FER1L5: variants seen among roughly 807,000 people sequenced by gnomAD.
FER1L5 encodes the protein fer-1 like family member 5.
FER1L5 carries 187 observed loss-of-function variants against 279.9 expected under a neutral mutation model. The observed-to-expected ratio is 0.67, with a 90% CI of 0.59 to 0.75. FER1L5 has a LOEUF of 0.75. FER1L5 is among the 30% of genes least tolerant of loss of function. The pLI is 0.00. For synonymous variants in FER1L5, 921 were observed against 989.7 expected, an observed-to-expected ratio of 0.93 and a Z score of 1.30; for missense variants, 2,091 against 2,594.4, an observed-to-expected ratio of 0.81 and a Z score of 4.21.
Position 96,690,565 on chromosome 2 carries a change from C to T in FER1L5, c.2719C>T (p.Leu907=), listed in dbSNP as rs2106635040. 1.3e-6 allele frequency: 2 copies of T among 1,551,684 alleles called. No individual in the cohort carries two copies. Among genetic ancestry groups the T allele is most frequent in the Middle Eastern group, 1.7e-4 (1 of 5,988 alleles). The part of the protein sequence containing the change: ...WHFKKDWVVE[L]NHAVDSKGWE... ...CTTTAAGAAGGACTGGGTGGTGGAG[C>T]TGAACCACGCAGTGGACAGTAAGGG... Residue 907 remains leucine (L), a synonymous_variant, in exon 27 of 53, where the codon CTG becomes TTG. Coordinates refer to ENST00000624922, the MANE Select transcript of FER1L5 (RefSeq NM_001293083.2).
intron 7 of FER1L5, 28 bp from the exon 8 acceptor site, chr2:96,653,610 TCC>T: frequency 6.6e-7 from 1 of 1,521,674 alleles, no homozygotes; most frequent in South Asian, 1.2e-5. Context: ...GAAGAAATCA[TCC>T]ACTCTACCCC....
intron 13 of FER1L5, 149 bp from the exon 14 acceptor site, chr2:96,663,290 G>A: frequency 4.3e-6 from 3 of 692,476 alleles, no homozygotes; most frequent in South Asian, 3.4e-5. Flanking sequence ...CTGCTGAGAA[G>A]TTGTGCAGGT....
Position 96,691,887 on chromosome 2 carries a change from GGACA to G in FER1L5, c.3144_3147del (p.Arg1048SerfsTer46). ...ACAGCAAGACATGGCCATGGGGTCT[GGACA>G]GACAGTTCAGGGACCCCCAGAGGCA... is the stretch of plus-strand genomic sequence containing the variant. On this transcript the variant is annotated frameshift_variant, in exon 30 of 53. Coordinates refer to ENST00000624922, the MANE Select transcript of FER1L5 (RefSeq NM_001293083.2). LOFTEE classifies it high-confidence loss of function. This position sits in a 1 kb window ranked among gnomAD's most constrained non-coding sequence, Gnocchi z 6.0. 1.3e-6 allele frequency: 2 copies of G among 1,551,480 alleles called. No individual in the cohort carries two copies. The highest frequency in any genetic ancestry group is 1.7e-6 in the Non-Finnish European group (2 of 1,146,968).
intron 21 of FER1L5, 64 bp from the exon 22 acceptor site, chr2:96,685,876 C>A: frequency 6.8e-7 from 1 of 1,460,818 alleles, no homozygotes; most frequent in Non-Finnish European, 9.1e-7. Context: ...TAAGGCAGGG[C>A]AGGAATGGTG....
chr2:96,699,160 C>G (rs759800481), intron 42 of FER1L5, 24 bp downstream of exon 42: 1 of 1,586,880 alleles, frequency 6.3e-7, no homozygotes, highest in African/African-American at 1.3e-5. Flanking sequence ...ACCCCCAAGA[C>G]CCCTTCTCCA....
In FER1L5 at chr2:96,694,231, C is replaced by T. The variant is rs534767906; in HGVS notation, c.3637-129C>T. 467 of 1,304,162 alleles carry T rather than the reference C, an allele frequency of 3.6e-4. 1 individual carries two copies. In the African/African-American group the frequency reaches 6.0e-3, roughly 17 times the overall value. 80.8% of individuals were successfully genotyped at this position (1,304,162 alleles called of 1,614,324 possible). On this transcript the variant is annotated intron_variant, in intron 33 of 52. Transcript: ENST00000624922. This position sits in a 1 kb window ranked among gnomAD's most constrained non-coding sequence, Gnocchi z 4.6. ...GACGCTGGCCTGACCAGCCTCTCCCCTAAGTCCCCCTGCCAGCCCCTACCC... is the reference window on the plus strand; with the variant it reads ...GACGCTGGCCTGACCAGCCTCTCCCTTAAGTCCCCCTGCCAGCCCCTACCC...
intron 31 of FER1L5, 114 bp downstream of exon 31, chr2:96,692,295 T>C (rs1032024328): frequency 1.7e-6 from 2 of 1,150,876 alleles, no homozygotes; most frequent in African/African-American, 1.5e-5. Context: ...CCAGGGCCCC[T>C]GCCTGTCGGC....
intron 4 of FER1L5, 83 bp from the exon 5 acceptor site, chr2:96,649,540 C>T: frequency 7.1e-7 from 1 of 1,406,104 alleles, no homozygotes; most frequent in Non-Finnish European, 9.8e-7. Flanking sequence ...CAGGTGTGAA[C>T]CCAACCAGGC....
At chr2:96,647,196 A>G (rs988948034) in intron 3 of FER1L5, 41 bp downstream of exon 3, 22 of 1,532,010 alleles carry the variant, frequency 1.4e-5, no homozygotes, top group East Asian at 4.9e-5. Context: ...CTCCTGACCA[A>G]CGCAGCAGCA....
chr2:96,689,519 C>T lies in FER1L5; in HGVS notation c.2526-125C>T, dbSNP rs530878986. On this transcript the variant is annotated intron_variant, in intron 25 of 52. Transcript: ENST00000624922. The surrounding 1 kb of genome is among the most constrained non-coding windows in gnomAD (Gnocchi z 4.6). The stretch of plus-strand genomic sequence containing the variant: ...GCACCAGGCCAAGGGCCCTGCCCAC[C>T]ACCCTGTCCTGCCCAGAGCAGGTGG... 99 of 1,441,484 alleles carry T rather than the reference C, an allele frequency of 6.9e-5. No homozygotes were observed. The African/African-American group carries it at 1.1e-3, about 16-fold the overall frequency. 89.3% of individuals were successfully genotyped at this position (1,441,484 alleles called of 1,614,324 possible).
At chr2:96,677,630 C>T (rs963006374) in intron 19 of FER1L5, among the ~76,000 whole-genome samples, 3 of 151,708 alleles carry the variant, frequency 2.0e-5, no homozygotes, top group African/African-American at 7.3e-5. Context: ...CTTTGGGAGG[C>T]TGAGGCGGGT....
intron 19 of FER1L5, among the ~76,000 whole-genome samples, chr2:96,681,678 G>GTCATAGC (rs1179376693): frequency 2.1e-4 from 32 of 152,098 alleles, no homozygotes; most frequent in African/African-American, 7.7e-4. Flanking sequence ...ATAGGGTATA[G>GTCATAGC]TCATAGCTCA....
chr2:96,653,943 C>T, intron 8 of FER1L5: 1 of 516,012 alleles, frequency 1.9e-6, no homozygotes. Context: ...AACAAGGCAG[C>T]CCCTTCCCAT....
Position 96,694,336 on chromosome 2 carries a change from C to T in FER1L5, c.3637-24C>T, listed in dbSNP as rs748769077. The T allele has an allele frequency of 1.6e-4, 248 of 1,532,630 alleles. No individual in the cohort carries two copies. Among genetic ancestry groups the T allele is most frequent in the Non-Finnish European group, 2.1e-4 (242 of 1,136,350 alleles). The allele number at this position is 1,532,630 out of a possible 1,614,324, so 94.9% of individuals were successfully genotyped here. A position where few individuals can be genotyped will look rare whatever the true frequency, so the allele number is the denominator to read the frequency against. ...GGGCAGCAGGACCAGCCCAGAGGGC[C>T]TCATGCTCCCTGCCCTCCCCCAGAA... On this transcript the variant is annotated intron_variant, in intron 33 of 52. Coordinates refer to ENST00000624922, the MANE Select transcript of FER1L5 (RefSeq NM_001293083.2). The surrounding 1 kb of genome is among the most constrained non-coding windows in gnomAD (Gnocchi z 4.6).
chr2:96,679,891 C>T (rs1364542324), intron 19 of FER1L5, among the ~76,000 whole-genome samples: 1 of 151,996 alleles, frequency 6.6e-6, no homozygotes, highest in Admixed American at 6.6e-5. Flanking sequence ...CTTATGTTAC[C>T]TTCCCATCTC....
Position 96,700,083 on chromosome 2 carries a change from G to T in FER1L5, c.4930+3G>T. ...AAAGTTCAAGCTGCAAAGCTTTGGT[G>T]AGCAGCGCAGAACACTAGCAGAAAG... On this transcript the variant is annotated splice_donor_region_variant and intron_variant, in intron 44 of 52. Transcript: ENST00000624922. 6.2e-7 allele frequency: 1 copy of T among 1,613,730 alleles called. No individual in the cohort carries two copies.
In FER1L5 at chr2:96,690,489, T is replaced by C. The variant is rs377361975; in HGVS notation, c.2643T>C (p.Asn881=). The change falls in exon 27 of 53, where the codon AAT becomes AAC. Residue 881 remains asparagine (N), a splice_region_variant and synonymous_variant. Coordinates refer to ENST00000624922, the MANE Select transcript of FER1L5 (RefSeq NM_001293083.2). Reference sequence around the variant, plus strand: ...TCGCCCTCTCTGTCCACCTGCAGAATGGACAGCCCATGGAGGCCCGGGAGA... The same window carrying C: ...TCGCCCTCTCTGTCCACCTGCAGAACGGACAGCCCATGGAGGCCCGGGAGA... ...GPAAIPNTDV[N]GQPMEARENV... 6.4e-6 allele frequency: 10 copies of C among 1,551,448 alleles called. No homozygotes were observed. The highest frequency in any genetic ancestry group is 2.4e-5 in the East Asian group (1 of 40,918).
Position 96,691,836 on chromosome 2 carries a change from G to C in FER1L5, c.3087G>C (p.Leu1029=). ...FLLEGSLAMD[L]KYHAGKEEDS... The stretch of plus-strand genomic sequence containing the variant: ...TGTCCTGGGTACAGGCTATGGATCT[G>C]AAATACCACGCTGGGAAGGAAGAGG... The change falls in exon 30 of 53, where the codon CTG becomes CTC. Residue 1029 remains leucine, a synonymous_variant. Coordinates refer to ENST00000624922, the MANE Select transcript of FER1L5 (RefSeq NM_001293083.2). This position sits in a 1 kb window ranked among gnomAD's most constrained non-coding sequence, Gnocchi z 6.0. 1.3e-6 allele frequency: 2 copies of C among 1,551,664 alleles called. No individual in the cohort carries two copies. Among genetic ancestry groups the C allele is most frequent in the Non-Finnish European group, 1.7e-6 (2 of 1,146,988 alleles).
At chr2:96,700,201 G>C in intron 44 of FER1L5, 121 bp downstream of exon 44, 1 of 1,549,184 alleles carries the variant, frequency 6.5e-7, no homozygotes, top group Admixed American at 1.9e-5. Flanking sequence ...GAGCTCCCTG[G>C]AGCCAAAGAG....
Sources: gnomAD v4.1 joint callset for allele counts (sites outside exome capture counted in the v4.1 genomes callset) on GRCh38, gnomAD v4.1.1 for gene constraint, Gnocchi (gnomAD v3.1) non-coding constraint, MANE v1.5 for transcripts, NCBI Gene and HGNC (gene_info 2026-07-23, HGNC 2026-07-21) for gene names.